Variants in STARD13 observed in about 807,000 individuals in gnomAD.
STARD13 encodes the protein stAR-related lipid transfer protein 13.
In STARD13, 62 loss-of-function variants were observed where a neutral mutation model predicts 106.4. The ratio of observed to expected loss-of-function variants is 0.58; its 90% confidence interval spans 0.48 to 0.72. The LOEUF (loss-of-function observed/expected upper bound fraction) is 0.72, where lower values mean the gene tolerates loss of function less well. Among genes scored for constraint, STARD13 ranks in the 30% least tolerant of loss-of-function variants. The probability of loss-of-function intolerance (pLI) is 0.00; values close to 1 mark genes in which losing one functional copy is unlikely to be tolerated. For missense variants in STARD13, 1,387 were observed against 1,424.0 expected, an observed-to-expected ratio of 0.97 and a Z score of 0.42; for synonymous variants, 565 against 553.0, an observed-to-expected ratio of 1.02 and a Z score of -0.31.
intron 1 of STARD13, among the ~76,000 whole-genome samples, chr13:33,188,712 A>G (rs1885988311): frequency 6.6e-6 from 1 of 152,238 alleles, no homozygotes; most frequent in African/African-American, 2.4e-5. Context: ...CACTTCTAGA[A>G]AATGAAATGC....
the STARD13 span, among the ~76,000 whole-genome samples, chr13:33,670,777 G>A: frequency 6.6e-6 from 1 of 152,192 alleles, no homozygotes; most frequent in South Asian, 2.1e-4. Context: ...CTCTACGTAA[G>A]TTCATTCAAC....
intron 1 of STARD13, among the ~76,000 whole-genome samples, chr13:33,243,390 C>A (rs2138257635): frequency 6.6e-6 from 1 of 152,238 alleles, no homozygotes; most frequent in South Asian, 2.1e-4. Flanking sequence ...TATGACCAAT[C>A]CCACAACCTG....
chr13:33,402,825 AG>A, the STARD13 span, among the ~76,000 whole-genome samples: 1 of 152,232 alleles, frequency 6.6e-6, no homozygotes, highest in Non-Finnish European at 1.5e-5. Flanking sequence ...GCCAAACTCC[AG>A]GGGAAGATCA....
chr13:33,228,469 C>T (rs1031617514), intron 1 of STARD13, among the ~76,000 whole-genome samples: 8 of 151,388 alleles, frequency 5.3e-5, no homozygotes, highest in African/African-American at 1.9e-4. Flanking sequence ...AAATTGAGCT[C>T]CTGTTATAAA....
the STARD13 span, among the ~76,000 whole-genome samples, chr13:33,650,763 C>G: frequency 3.4e-4 from 52 of 152,328 alleles, no homozygotes; most frequent in Non-Finnish European, 6.6e-4. Context: ...GAGGTGATTA[C>G]GCCACAAGGG....
At chr13:33,595,025 G>A in the STARD13 span, among the ~76,000 whole-genome samples, 7 of 152,174 alleles carry the variant, frequency 4.6e-5, no homozygotes, top group Non-Finnish European at 2.9e-5. Context: ...ATATCAAAAA[G>A]TGGAATTGCT....
At chr13:33,633,644 T>C in the STARD13 span, among the ~76,000 whole-genome samples, 1 of 152,216 alleles carries the variant, frequency 6.6e-6, no homozygotes, top group Non-Finnish European at 1.5e-5. Context: ...CTGAATAATG[T>C]TTAAAAAGTA....
At chr13:33,650,339 C>T in the STARD13 span, among the ~76,000 whole-genome samples, 3 of 149,488 alleles carry the variant, frequency 2.0e-5, no homozygotes, top group Non-Finnish European at 4.4e-5. Context: ...TACAGGCGCC[C>T]GCCACTACGC....
At chr13:33,165,259 T>C (rs1318180390) in intron 3 of STARD13, 78 bp downstream of exon 3, 6 of 1,099,594 alleles carry the variant, frequency 5.5e-6, no homozygotes, top group Non-Finnish European at 1.4e-6. Context: ...GCCGAATAGC[T>C]GAGCTCGCCC....
At chr13:33,466,666 C>T in the STARD13 span, among the ~76,000 whole-genome samples, 1 of 152,148 alleles carries the variant, frequency 6.6e-6, no homozygotes, top group South Asian at 2.1e-4. Flanking sequence ...TATTTGTATA[C>T]TAACATCCAT....
At chr13:33,260,953 G>A (rs892761064) in intron 1 of STARD13, among the ~76,000 whole-genome samples, 5 of 152,096 alleles carry the variant, frequency 3.3e-5, no homozygotes, top group African/African-American at 4.8e-5. Context: ...GGGCATTCCT[G>A]GTGTAATTAT....
At chr13:33,338,810 G>A (rs1043692428) in intron 1 of STARD13, among the ~76,000 whole-genome samples, 2 of 151,050 alleles carry the variant, frequency 1.3e-5, no homozygotes, top group Admixed American at 6.6e-5. Context: ...GTTTGAACCC[G>A]GGAGGCAGAG....
chr13:33,370,291 C>T, the STARD13 span, among the ~76,000 whole-genome samples: 8 of 152,118 alleles, frequency 5.3e-5, no homozygotes, highest in Non-Finnish European at 8.8e-5. Context: ...TTTGATCCTC[C>T]CAGAATCAAA....
At chr13:33,224,760 A>G (rs1888534072) in intron 1 of STARD13, among the ~76,000 whole-genome samples, 1 of 152,256 alleles carries the variant, frequency 6.6e-6, no homozygotes, top group Admixed American at 6.5e-5. Context: ...GCCAGTTTGA[A>G]TGGGTCTCTG....
At chr13:33,611,146 T>A in the STARD13 span, 1 of 152,260 alleles carries the variant, frequency 6.6e-6, no homozygotes, top group African/African-American at 2.4e-5. Context: ...GGTATCCTTT[T>A]TCCACCACAT....
intron 7 of STARD13, among the ~76,000 whole-genome samples, chr13:33,118,860 C>G (rs1290852054): frequency 2.6e-5 from 4 of 152,172 alleles, no homozygotes; most frequent in Admixed American, 1.3e-4. Flanking sequence ...AATTTATTTA[C>G]TTTTTCTTCT....
the STARD13 span, among the ~76,000 whole-genome samples, chr13:33,492,036 T>C: frequency 6.6e-6 from 1 of 151,980 alleles, no homozygotes; most frequent in Non-Finnish European, 1.5e-5. Flanking sequence ...AAGGGGGTTG[T>C]TCTTTGGCGG....
chr13:33,354,443 G>A (rs192594356), upstream of STARD13, among the ~76,000 whole-genome samples: 17 of 152,254 alleles, frequency 1.1e-4, no homozygotes, highest in African/African-American at 4.1e-4. Flanking sequence ...TCCATGCTTT[G>A]GGGATACTGC....
intron 4 of STARD13, among the ~76,000 whole-genome samples, chr13:33,139,759 T>C (rs1001325757): frequency 6.6e-6 from 1 of 151,980 alleles, no homozygotes; most frequent in Non-Finnish European, 1.5e-5. Context: ...TTTTTTTTTC[T>C]ATTTTTTCAC....
Sources: allele counts gnomAD v4.1 joint callset (sites outside exome capture counted in the v4.1 genomes callset), GRCh38; gene constraint gnomAD v4.1.1; transcripts MANE v1.5; gene names NCBI Gene and HGNC (gene_info 2026-07-23, HGNC 2026-07-21).